The following POLN variants were observed in gnomAD, a reference collection of about 807,000 sequenced individuals.
POLN encodes the protein DNA polymerase nu, also known as DNA polymerase N.
In POLN, 108 loss-of-function variants were observed where a neutral mutation model predicts 113.5. That is an observed-to-expected ratio of 0.95 (90% CI 0.81 to 1.12). The LOEUF is 1.12. Among genes scored for constraint, POLN ranks in the 50% most tolerant of loss-of-function variants. The pLI is 0.00. For missense variants in POLN, 1,097 were observed against 1,077.1 expected (o/e 1.02, Z -0.26); for synonymous variants, 386 against 391.5 (o/e 0.99, Z 0.17).
chr4:2,212,162 C>G (rs1734009377), intron 4 of POLN, among the ~76,000 whole-genome samples: 1 of 152,156 alleles, frequency 6.6e-6, no homozygotes, highest in South Asian at 2.1e-4. Flanking sequence ...TTCTCTTAAC[C>G]ACTATGTTGC....
chr4:2,126,620 G>A lies in POLN; in HGVS notation c.1982+1493C>T, dbSNP rs1731587779. Among the ~76,000 whole-genome samples the A allele has an allele frequency of 6.6e-6, 1 of 152,192 alleles. No individual in the cohort carries two copies. Among genetic ancestry groups the A allele is most frequent in the Non-Finnish European group, 1.5e-5 (1 of 68,038 alleles). On this transcript the variant is annotated intron_variant, in intron 19 of 25. Transcript: ENST00000511885. This position sits in a 1 kb window ranked among gnomAD's most constrained non-coding sequence, Gnocchi z 4.6. ...GGAGACCAGAGAGGAGTGGAGACCA[G>A]AGAGGAGTGGAGACCAGAGAGGAGC...
intron 16 of POLN, among the ~76,000 whole-genome samples, chr4:2,132,095 G>T (rs774649496): frequency 6.6e-5 from 10 of 152,144 alleles, no homozygotes; most frequent in Non-Finnish European, 1.3e-4. Flanking sequence ...AAGTGGTAAG[G>T]CCACATTGTC....
At chr4:2,131,146 A>G (rs1731717807) in intron 17 of POLN, 87 bp downstream of exon 17, 1 of 945,318 alleles carries the variant, frequency 1.1e-6, no homozygotes, top group Admixed American at 2.1e-5. Context: ...GATCGCACAA[A>G]TGCACTCTAG....
intron 4 of POLN, among the ~76,000 whole-genome samples, chr4:2,211,278 A>G (rs1205609996): frequency 6.8e-6 from 1 of 148,004 alleles, no homozygotes; most frequent in Non-Finnish European, 1.5e-5. Flanking sequence ...TAATAATAAT[A>G]ATAATAATAA....
intron 5 of POLN, among the ~76,000 whole-genome samples, chr4:2,202,457 C>G (rs973224469): frequency 6.6e-6 from 1 of 152,170 alleles, no homozygotes; most frequent in Non-Finnish European, 1.5e-5. Flanking sequence ...GGAGACCAGA[C>G]TCATGCCTGT....
chr4:2,226,036 T>C (rs1413463901), intron 3 of POLN, among the ~76,000 whole-genome samples: 1 of 151,884 alleles, frequency 6.6e-6, no homozygotes, highest in African/African-American at 2.4e-5. Flanking sequence ...CTGAGGTGAA[T>C]GGTCTCAGTA....
intron 11 of POLN, among the ~76,000 whole-genome samples, chr4:2,172,910 C>T (rs1055760415): frequency 1.2e-4 from 18 of 152,294 alleles, no homozygotes; most frequent in Non-Finnish European, 2.1e-4. Context: ...ACACGCCTAT[C>T]GGCAGTGGGA....
In POLN at chr4:2,179,397, A is replaced by C; in HGVS notation, c.1090T>G (p.Ser364Ala). The C allele has an allele frequency of 6.2e-7, 1 of 1,613,476 alleles. No individual in the cohort carries two copies. The highest frequency in any genetic ancestry group is 8.5e-7 in the Non-Finnish European group (1 of 1,179,384). Residue 364 changes from serine to alanine, a missense_variant, in exon 8 of 26, where the codon TCT becomes GCT. Ser to Ala is a moderately conservative substitution (Grantham distance 99, BLOSUM62 1). Transcript: ENST00000511885. Reference protein sequence around the residue: ...WLIDPSDATPSFEDLVEKYCE... With the variant: ...WLIDPSDATPAFEDLVEKYCE... ...TATTTTTCTACTAAATCTTCAAAAGAGGGTGTGGCATCACTAGGATCTATA... is the reference window on the plus strand; with the variant it reads ...TATTTTTCTACTAAATCTTCAAAAGCGGGTGTGGCATCACTAGGATCTATA...
In POLN at chr4:2,072,062, C is replaced by A. The variant is rs752195215; in HGVS notation, c.*52G>T. 1 of 1,587,662 alleles carries A rather than the reference C, an allele frequency of 6.3e-7. No homozygotes were observed. The highest frequency in any genetic ancestry group is 1.1e-5 in the South Asian group (1 of 90,588). ...ACAGAGCTGGTGACCTTGGGGAAGG[C>A]CACACAATGGACTGCTGGAAACCAG... On this transcript the variant is annotated 3_prime_UTR_variant, in exon 26 of 26. Transcript: ENST00000511885.
intron 13 of POLN, among the ~76,000 whole-genome samples, chr4:2,168,442 C>G (rs952388254): frequency 6.6e-6 from 1 of 152,254 alleles, no homozygotes; most frequent in African/African-American, 2.4e-5. Flanking sequence ...GAATGAGCAA[C>G]TTGACTTCCT....
chr4:2,140,166 C>A (rs1731962746), intron 16 of POLN: 1 of 152,222 alleles, frequency 6.6e-6, no homozygotes, highest in South Asian at 2.1e-4. Flanking sequence ...ACAACCTCTG[C>A]CTGCCAGTTC....
chr4:2,117,141 T>C (rs1731335434), intron 19 of POLN, among the ~76,000 whole-genome samples: 1 of 152,202 alleles, frequency 6.6e-6, no homozygotes, highest in Admixed American at 6.5e-5. Context: ...AGACTACATC[T>C]GGGTCACTGG....
chr4:2,100,789 T>C (rs1327833032), intron 19 of POLN, among the ~76,000 whole-genome samples: 2 of 152,244 alleles, frequency 1.3e-5, no homozygotes, highest in African/African-American at 4.8e-5. Context: ...GGCTGTAGTA[T>C]ATTTTAAAAC....
At chr4:2,240,760 T>C (rs768662435) in intron 2 of POLN, 7 of 1,614,046 alleles carry the variant, frequency 4.3e-6, no homozygotes, top group Non-Finnish European at 5.9e-6. Context: ...TTCTGAAGAA[T>C]GCTAAAAGCT....
chr4:2,207,266 G>T (rs1017330258), intron 5 of POLN, among the ~76,000 whole-genome samples: 5 of 152,204 alleles, frequency 3.3e-5, no homozygotes, highest in East Asian at 1.9e-4. Flanking sequence ...TGGGAAGGGG[G>T]TGAGGGATAA....
chr4:2,074,291 C>G (rs1730225096), intron 24 of POLN, among the ~76,000 whole-genome samples: 2 of 152,178 alleles, frequency 1.3e-5, no homozygotes, highest in Non-Finnish European at 1.5e-5. Flanking sequence ...ACCTGACCCC[C>G]AGCCCTTCAG....
intron 19 of POLN, among the ~76,000 whole-genome samples, chr4:2,121,500 T>C (rs564264114): frequency 6.6e-6 from 1 of 151,530 alleles, no homozygotes; most frequent in African/African-American, 2.4e-5. Context: ...GGGTTTCTTT[T>C]TCAGGAAATT....
At chr4:2,163,780 G>A (rs1732660098) in intron 13 of POLN, among the ~76,000 whole-genome samples, 1 of 152,200 alleles carries the variant, frequency 6.6e-6, no homozygotes, top group Non-Finnish European at 1.5e-5. Flanking sequence ...TTATCCCAGG[G>A]CGACTTTAGT....
At chr4:2,154,303 C>T (rs1732370833) in intron 16 of POLN, among the ~76,000 whole-genome samples, 1 of 143,582 alleles carries the variant, frequency 7.0e-6, no homozygotes, top group Non-Finnish European at 1.5e-5. Flanking sequence ...AATAATTCAA[C>T]ATTTCATAAA....
Sources: gnomAD v4.1 joint callset for allele counts (sites outside exome capture counted in the v4.1 genomes callset) on GRCh38, gnomAD v4.1.1 for gene constraint, Gnocchi (gnomAD v3.1) non-coding constraint, MANE v1.5 for transcripts, NCBI Gene and HGNC (gene_info 2026-07-23, HGNC 2026-07-21) for gene names.